RFC3: variants seen among roughly 807,000 people sequenced by gnomAD.
RFC3 encodes replication factor C subunit 3.
A neutral mutation model predicts 45.1 loss-of-function variants in RFC3; 41 were observed. That is an observed-to-expected ratio of 0.91 (90% CI 0.71 to 1.18). The LOEUF (loss-of-function observed/expected upper bound fraction) is 1.18. RFC3 is among the 50% of genes most tolerant of loss of function. The pLI, the probability that RFC3 is intolerant of heterozygous loss-of-function variation, is 0.00. For synonymous variants in RFC3, 149 were observed against 144.0 expected (o/e 1.03, Z -0.25); for missense variants, 423 against 428.1 (o/e 0.99, Z 0.10).
At chr13:33,840,961 TC>T (rs1371877270), downstream of RFC3, among the ~76,000 whole-genome samples, 2 of 152,152 alleles carry the variant, frequency 1.3e-5, no homozygotes, top group Non-Finnish European at 2.9e-5. Context: ...AATGTAAAAT[TC>T]AGGGGTCCTC....
At chr13:33,949,978 T>C (rs1309304471) in intron 8 of RFC3, among the ~76,000 whole-genome samples, 1 of 151,940 alleles carries the variant, frequency 6.6e-6, no homozygotes, top group South Asian at 2.1e-4. Context: ...ACCAGGAGCT[T>C]TCCTGGGTCT....
intron 8 of RFC3, among the ~76,000 whole-genome samples, chr13:33,944,971 G>C (rs189855787): frequency 6.6e-6 from 1 of 152,094 alleles, no homozygotes; most frequent in Admixed American, 6.6e-5. Context: ...GGGCTCCCAG[G>C]CATAACACAT....
At chr13:33,875,458 G>C (rs575626788) in intron 8 of RFC3, among the ~76,000 whole-genome samples, 10 of 152,076 alleles carry the variant, frequency 6.6e-5, no homozygotes, top group Admixed American at 2.0e-4. Flanking sequence ...AAGCAAACTT[G>C]GTCCTTTAAA....
At chr13:33,947,532 C>T (rs1244348820) in intron 8 of RFC3, among the ~76,000 whole-genome samples, 2 of 152,146 alleles carry the variant, frequency 1.3e-5, no homozygotes, top group Admixed American at 1.3e-4. Context: ...TGAAGCGACT[C>T]TGGAACTGGG....
chr13:33,962,300 G>T (rs1566044123), intron 8 of RFC3, among the ~76,000 whole-genome samples: 1 of 152,156 alleles, frequency 6.6e-6, no homozygotes, highest in Non-Finnish European at 1.5e-5. Context: ...CCATTAACCT[G>T]TCGGTGCCTC....
intron 8 of RFC3, among the ~76,000 whole-genome samples, chr13:33,926,357 A>C (rs2082813572): frequency 6.6e-6 from 1 of 151,936 alleles, no homozygotes; most frequent in Non-Finnish European, 1.5e-5. Flanking sequence ...TTAAAGTATA[A>C]TAATAATAAA....
chr13:33,896,670 C>T (rs2082600775), intron 8 of RFC3, among the ~76,000 whole-genome samples: 1 of 133,008 alleles, frequency 7.5e-6, no homozygotes, highest in Non-Finnish European at 1.5e-5. Flanking sequence ...TGAGATTGCA[C>T]TGCTGCACTC....
In RFC3 at chr13:33,831,259, T is replaced by C; in HGVS notation, c.714T>C (p.Tyr238=). The C allele has an allele frequency of 1.3e-6, 2 of 1,576,492 alleles. No homozygotes were observed. Among genetic ancestry groups the C allele is most frequent in the Non-Finnish European group, 8.7e-7 (1 of 1,145,776 alleles). Residue 238 remains tyrosine (Y), a synonymous_variant, in exon 7 of 9, where the codon TAT becomes TAC. Transcript: ENST00000380071. Reference sequence around the variant, plus strand: ...GTGTTCTCTTTTTGTCATGTAGATATCCTTTTACTGCAGATCAAGAAATCC... The same window carrying C: ...GTGTTCTCTTTTTGTCATGTAGATACCCTTTTACTGCAGATCAAGAAATCC... ...LMCEACRVQQ[Y]PFTADQEIPE...
At chr13:33,866,304 A>G (rs1466484410) in intron 8 of RFC3, among the ~76,000 whole-genome samples, 15 of 152,206 alleles carry the variant, frequency 9.9e-5, no homozygotes, top group Non-Finnish European at 2.9e-5. Flanking sequence ...ATGGTCTCAT[A>G]AACTCAATGG....
At chr13:33,866,028 C>T (rs2082371268) in intron 8 of RFC3, among the ~76,000 whole-genome samples, 1 of 152,148 alleles carries the variant, frequency 6.6e-6, no homozygotes, top group African/African-American at 2.4e-5. Context: ...CATTGCACTC[C>T]AGCCTGGGCA....
At chr13:33,822,216 A>G (rs1161349591) in intron 2 of RFC3, among the ~76,000 whole-genome samples, 1 of 152,190 alleles carries the variant, frequency 6.6e-6, no homozygotes, top group Non-Finnish European at 1.5e-5. Context: ...AATGGTGTGG[A>G]TGTGTCAGAA....
chr13:33,936,034 G>A lies in RFC3; in HGVS notation c.880-30053G>A, dbSNP rs1207752978. Among the ~76,000 whole-genome samples the A allele has an allele frequency of 3.9e-5, 6 of 152,268 alleles. 1 individual carries two copies. The East Asian group carries it at 9.6e-4, about 24-fold the overall frequency. On this transcript the variant is annotated intron_variant, in intron 8 of 8. Coordinates refer to the RFC3 transcript ENST00000434425. ...CTGGTCTCATCTTCCCCTTATGAGAGCGATGGTATGACAGGTGCAGTGTGT... is the reference window on the plus strand; with the variant it reads ...CTGGTCTCATCTTCCCCTTATGAGAACGATGGTATGACAGGTGCAGTGTGT...
chr13:33,928,555 A>G (rs1307053301), intron 8 of RFC3, among the ~76,000 whole-genome samples: 1 of 152,212 alleles, frequency 6.6e-6, no homozygotes, highest in East Asian at 1.9e-4. Flanking sequence ...TTGTTAAATT[A>G]AAGGTGTTCA....
chr13:33,857,194 T>C (rs2082313489), intron 8 of RFC3, among the ~76,000 whole-genome samples: 1 of 152,250 alleles, frequency 6.6e-6, no homozygotes, highest in Admixed American at 6.5e-5. Flanking sequence ...CATCTCTTTA[T>C]AGATGTTTGG....
Position 33,966,054 on chromosome 13 carries a change from A to C in RFC3, c.880-33A>C, listed in dbSNP as rs748542693. ...CTCATTCATAGTAGGGTCTGTGATAAACAATTGATTGGATAGTGAATATCT... is the reference window on the plus strand; with the variant it reads ...CTCATTCATAGTAGGGTCTGTGATACACAATTGATTGGATAGTGAATATCT... On this transcript the variant is annotated intron_variant, in intron 8 of 8. Coordinates refer to the RFC3 transcript ENST00000434425. 3.9e-6 allele frequency: 6 copies of C among 1,537,802 alleles called. No individual in the cohort carries two copies. In the African/African-American group the frequency reaches 6.8e-5, roughly 17 times the overall value.
chr13:33,831,163 T>C, intron 6 of RFC3, 93 bp from the exon 7 acceptor site: 2 of 778,592 alleles, frequency 2.6e-6, no homozygotes, highest in Admixed American at 4.1e-5. Context: ...TGCAGCCCGG[T>C]TCCTAACCGC....
At chr13:33,828,147 CTA>C (rs1383820560) in intron 4 of RFC3, among the ~76,000 whole-genome samples, 2 of 152,092 alleles carry the variant, frequency 1.3e-5, no homozygotes, top group East Asian at 3.9e-4. Context: ...GACCCTGTCT[CTA>C]AAAAAATAAA....
rs1176600646 is a variant in RFC3 at position 33,964,317 on chromosome 13, CATAAG to C, written c.880-1769_880-1765del. Among the ~76,000 whole-genome samples the C allele has an allele frequency of 3.9e-5, 6 of 152,158 alleles. No homozygotes were observed. In the South Asian group the frequency reaches 1.2e-3, roughly 32 times the overall value. ...AGACTTTTTAAAAGCAATTATCAAT[CATAAG>C]CTATAATGAAAAGAATGTGATTCAC... On this transcript the variant is annotated intron_variant, in intron 8 of 8. Coordinates refer to the RFC3 transcript ENST00000434425.
chr13:33,971,586 G>A, the RFC3 span, among the ~76,000 whole-genome samples: 1 of 152,144 alleles, frequency 6.6e-6, no homozygotes. Context: ...AGGCTATAAG[G>A]CAAATGAAGA....
Sources: allele counts gnomAD v4.1 joint callset (sites outside exome capture counted in the v4.1 genomes callset), GRCh38; gene constraint gnomAD v4.1.1; transcripts MANE v1.5; gene names NCBI Gene and HGNC (gene_info 2026-07-23, HGNC 2026-07-21).